Variants in LRMDA observed in about 807,000 individuals in gnomAD.
LRMDA encodes the protein leucine rich melanocyte differentiation associated, also known as leucine-rich melanocyte differentiation-associated protein.
LRMDA carries 18 observed loss-of-function variants against 29.8 expected under a neutral mutation model. The ratio of observed to expected loss-of-function variants is 0.60; its 90% confidence interval spans 0.42 to 0.90. The LOEUF (loss-of-function observed/expected upper bound fraction) is 0.90. Among genes scored for constraint, LRMDA ranks in the 40% least tolerant of loss-of-function variants. LRMDA has a pLI of 0.00. For synonymous variants in LRMDA, 125 were observed against 109.4 expected (o/e 1.14, Z -0.89); for missense variants, 273 against 273.9 (o/e 1.00, Z 0.02).
chr10:75,761,910 C>T (rs1843102529), intron 2 of LRMDA, among the ~76,000 whole-genome samples: 1 of 151,772 alleles, frequency 6.6e-6, no homozygotes, highest in Admixed American at 6.6e-5. Context: ...AAGTGATCCC[C>T]CCACCTCAGC....
At chr10:75,610,780 C>T (rs544217242) in intron 2 of LRMDA, among the ~76,000 whole-genome samples, 8 of 152,266 alleles carry the variant, frequency 5.3e-5, no homozygotes, top group African/African-American at 1.9e-4. Context: ...ATCATTTATT[C>T]TCTTTGTATG....
intron 2 of LRMDA, among the ~76,000 whole-genome samples, chr10:75,590,017 ATGAT>A (rs1840702925): frequency 8.3e-6 from 1 of 119,796 alleles, no homozygotes; most frequent in South Asian, 3.7e-4. Context: ...TCTGAAGATG[ATGAT>A]TTTTTTTTTT....
At chr10:76,058,476 G>T (rs1848651056) in intron 4 of LRMDA, among the ~76,000 whole-genome samples, 190 bp from the exon 5 acceptor site, 1 of 152,184 alleles carries the variant, frequency 6.6e-6, no homozygotes, top group African/African-American at 2.4e-5. Context: ...GTGCATGTGT[G>T]TAAGATAGAA....
intron 2 of LRMDA, among the ~76,000 whole-genome samples, chr10:75,889,887 G>A (rs1057174702): frequency 6.6e-6 from 1 of 152,204 alleles, no homozygotes; most frequent in African/African-American, 2.4e-5. Flanking sequence ...TAGAGGTTTG[G>A]CCAAGAGGGC....
chr10:75,564,710 C>G (rs909516078), intron 2 of LRMDA, among the ~76,000 whole-genome samples: 1 of 152,206 alleles, frequency 6.6e-6, no homozygotes, highest in Non-Finnish European at 1.5e-5. Context: ...TAAAATAAAC[C>G]TGTTGTCTTG....
At chr10:76,080,755 A>G (rs1289163549) in intron 5 of LRMDA, among the ~76,000 whole-genome samples, 2 of 152,252 alleles carry the variant, frequency 1.3e-5, no homozygotes, top group African/African-American at 4.8e-5. Flanking sequence ...TTTACTAGCT[A>G]ATTCAGGCTG....
At position 75,503,589 on chromosome 10, in the gene LRMDA, A is replaced by T. The variant is rs925287346; in HGVS notation, c.131+65095A>T. Among the ~76,000 whole-genome samples the T allele has an allele frequency of 4.4e-4, 67 of 151,934 alleles. 1 individual carries two copies. Among genetic ancestry groups the T allele is most frequent in the Admixed American group, 3.6e-3 (55 of 15,230 alleles). The stretch of plus-strand genomic sequence containing the variant: ...TGACTATTGGTTTATAGAAGTTGCA[A>T]TCCCTTTGTCACCCTCTGTTACCTT... On this transcript the variant is annotated intron_variant, in intron 2 of 6. Transcript: ENST00000611255.
chr10:76,408,097 G>A (rs1478649181), intron 6 of LRMDA, among the ~76,000 whole-genome samples: 5 of 152,144 alleles, frequency 3.3e-5, no homozygotes, highest in Non-Finnish European at 7.4e-5. Context: ...GCACCTGTAA[G>A]GATCATAACC....
chr10:76,312,492 T>TA (rs200371356), intron 5 of LRMDA, among the ~76,000 whole-genome samples: 1,804 of 151,776 alleles, frequency 0.012, 33 homozygotes, highest in African/African-American at 0.041. Context: ...CCCTCAAGAT[T>TA]AAAAAAAACC....
intron 6 of LRMDA, among the ~76,000 whole-genome samples, chr10:76,446,702 A>C (rs1330333222): frequency 1.3e-5 from 2 of 152,122 alleles, no homozygotes; most frequent in Non-Finnish European, 2.9e-5. Context: ...CCACTTGGTG[A>C]CTCACAGATC....
At chr10:75,875,577 C>T (rs533191658) in intron 2 of LRMDA, among the ~76,000 whole-genome samples, 1 of 152,158 alleles carries the variant, frequency 6.6e-6, no homozygotes, top group South Asian at 2.1e-4. Context: ...GGATTACAGG[C>T]ATGCGCCACC....
At chr10:75,598,110 G>T (rs1840821745) in intron 2 of LRMDA, among the ~76,000 whole-genome samples, 1 of 152,198 alleles carries the variant, frequency 6.6e-6, no homozygotes, top group Non-Finnish European at 1.5e-5. Flanking sequence ...GCAATCTAAA[G>T]TTGCTGTTTA....
At chr10:75,915,299 C>T (rs967764991) in intron 2 of LRMDA, among the ~76,000 whole-genome samples, 1 of 151,864 alleles carries the variant, frequency 6.6e-6, no homozygotes, top group Non-Finnish European at 1.5e-5. Flanking sequence ...TCATGCCCAG[C>T]TAATTTTTGT....
chr10:75,503,292 GCTT>G (rs1845135597), intron 2 of LRMDA, among the ~76,000 whole-genome samples: 1 of 152,012 alleles, frequency 6.6e-6, no homozygotes, highest in African/African-American at 2.4e-5. Context: ...AATTTCATTG[GCTT>G]CTTCTAGAAC....
At chr10:75,868,151 A>T (rs1053110968) in intron 2 of LRMDA, among the ~76,000 whole-genome samples, 1 of 151,950 alleles carries the variant, frequency 6.6e-6, no homozygotes, top group African/African-American at 2.4e-5. Context: ...TGTCATTGTG[A>T]GGTGTTGGCT....
chr10:76,518,429 C>T (rs907845258), intron 6 of LRMDA, among the ~76,000 whole-genome samples: 2 of 151,958 alleles, frequency 1.3e-5, no homozygotes, highest in African/African-American at 4.8e-5. Flanking sequence ...TAATGATAGA[C>T]CTTTCGATTC....
At chr10:75,765,370 G>T (rs185791343) in intron 2 of LRMDA, among the ~76,000 whole-genome samples, 1 of 152,256 alleles carries the variant, frequency 6.6e-6, no homozygotes, top group African/African-American at 2.4e-5. Context: ...TATTCAGGCA[G>T]CTCAGCAGCT....
At chr10:75,692,153 G>C (rs1337879562) in intron 2 of LRMDA, among the ~76,000 whole-genome samples, 1 of 148,258 alleles carries the variant, frequency 6.7e-6, no homozygotes, top group African/African-American at 2.5e-5. Context: ...AGTGAGATAT[G>C]ATTGTGCCAC....
At chr10:76,392,347 G>T (rs1399120613) in intron 6 of LRMDA, among the ~76,000 whole-genome samples, 1 of 151,928 alleles carries the variant, frequency 6.6e-6, no homozygotes, top group African/African-American at 2.4e-5. Context: ...GACAAAAATT[G>T]TATATGTTTG....
Sources: gnomAD v4.1 joint callset for allele counts (sites outside exome capture counted in the v4.1 genomes callset) on GRCh38, gnomAD v4.1.1 for gene constraint, MANE v1.5 for transcripts, NCBI Gene and HGNC (gene_info 2026-07-23, HGNC 2026-07-21) for gene names.